Variants in TAF11 observed in about 807,000 individuals in gnomAD.
The protein encoded by TAF11 is TATA-box binding protein associated factor 11.
Under a neutral mutation model 23.0 loss-of-function variants are expected in TAF11, and 10 were observed. That is an observed-to-expected ratio of 0.43 (90% confidence interval 0.27 to 0.74). The LOEUF is 0.74. Among genes scored for constraint, TAF11 ranks in the 30% least tolerant of loss-of-function variants. The pLI, the probability that TAF11 is intolerant of heterozygous loss-of-function variation, is 0.19. For missense variants in TAF11, 196 were observed against 261.7 expected (o/e 0.75, Z 1.73); for synonymous variants, 85 against 95.8 (o/e 0.89, Z 0.66).
chr6:34,885,840 G>A (rs1369607859), intron 1 of TAF11, among the ~76,000 whole-genome samples: 1 of 152,172 alleles, frequency 6.6e-6, no homozygotes, highest in Non-Finnish European at 1.5e-5. Flanking sequence ...ACCTTTAGCT[G>A]GCCGGGTGCG....
rs1053013825 is a variant in TAF11, at chr6:34,877,886, G to T, written c.*704C>A. ...TTCCTGCCATTACCGCATCCTTCAT[G>T]GTAGAGTATCACAAGTAAAAGTTTC... On this transcript the variant is annotated 3_prime_UTR_variant, in exon 5 of 5. Coordinates refer to ENST00000361288, the MANE Select transcript of TAF11 (RefSeq NM_005643.4). 11 of 152,132 alleles carry T rather than the reference G, an allele frequency of 7.2e-5. No individual in the cohort carries two copies. The highest frequency in any genetic ancestry group is 2.7e-4 in the African/African-American group (11 of 41,410). The allele number at this position is 152,132 out of a possible 1,614,324, so 9.4% of individuals were successfully genotyped here. A position where few individuals can be genotyped will look rare whatever the true frequency, so the allele number is the denominator to read the frequency against.
At chr6:34,886,402 A>AAAAC (rs35830537) in intron 1 of TAF11, among the ~76,000 whole-genome samples, 57,022 of 146,884 alleles carry the variant, frequency 0.39, 13,984 homozygotes, top group African/African-American at 0.72. Context: ...CAAAAAACAA[A>AAAAC]AAACAAACAA....
chr6:34,882,861 A>G (rs1766464359), intron 2 of TAF11, 71 bp downstream of exon 2: 2 of 1,493,360 alleles, frequency 1.3e-6, no homozygotes, highest in South Asian at 1.4e-5. Flanking sequence ...TTTAAACACC[A>G]AGAAAAATTT....
intron 1 of TAF11, among the ~76,000 whole-genome samples, chr6:34,883,742 TC>T (rs1157575714): frequency 5.9e-5 from 9 of 152,180 alleles, no homozygotes; most frequent in African/African-American, 2.2e-4. Flanking sequence ...AAATGCCTGT[TC>T]AAACCCCACT....
At chr6:34,887,703 T>C in intron 1 of TAF11, 84 bp downstream of exon 1, 7 of 1,541,194 alleles carry the variant, frequency 4.5e-6, no homozygotes, top group Admixed American at 1.7e-5. Flanking sequence ...CGTAACTTGT[T>C]AGGGACTAAC....
intron 2 of TAF11, 30 bp downstream of exon 2, chr6:34,882,902 G>C: frequency 6.4e-7 from 1 of 1,565,004 alleles, no homozygotes. Context: ...TGAGAGCCTC[G>C]AAATGGGGAA....
intron 4 of TAF11, chr6:34,879,469 G>GTCTC (rs1189007117): frequency 7.2e-6 from 7 of 966,512 alleles, no homozygotes; most frequent in Non-Finnish European, 7.4e-6. Flanking sequence ...GTGAGACCCT[G>GTCTC]TCTCAAAAAA....
chr6:34,881,136 G>T (rs1007859155), intron 2 of TAF11, among the ~76,000 whole-genome samples: 6 of 152,084 alleles, frequency 3.9e-5, no homozygotes, highest in African/African-American at 1.4e-4. Context: ...GGAAGTAATG[G>T]ACAAGTATGC....
rs538061388 is a variant in TAF11 at position 34,885,604 on chromosome 6, A to G, written c.171+2183T>C. Among the ~76,000 whole-genome samples the G allele has an allele frequency of 3.3e-5, 5 of 152,208 alleles. No homozygotes were observed. In the East Asian group the frequency reaches 7.7e-4, roughly 23 times the overall value. ...ATAATTTTATCCTCTGTTCGGTGCA[A>G]ATTTAGATATGTAGTGAGCCCTCTG... On this transcript the variant is annotated intron_variant, in intron 1 of 4. Transcript: ENST00000361288.
chr6:34,879,684 A>C (rs1766383876), intron 4 of TAF11: 2 of 985,434 alleles, frequency 2.0e-6, no homozygotes, highest in Non-Finnish European at 2.4e-6. Context: ...TTGGCAGCAG[A>C]AATGAGCAAA....
Position 34,878,365 on chromosome 6 carries a change from A to G in TAF11, c.*225T>C, listed in dbSNP as rs2127431176. ...TCTTCCAACTGGTCAAGACAGTTAA[A>G]TACTTCAAAATGCCCCAAGAGGTCC... On this transcript the variant is annotated 3_prime_UTR_variant, in exon 5 of 5. Transcript: ENST00000361288. The G allele has an allele frequency of 1.9e-6, 1 of 527,180 alleles. No homozygotes were observed. The highest frequency in any genetic ancestry group is 2.9e-5 in the South Asian group (1 of 35,014). 32.7% of individuals were successfully genotyped at this position (527,180 alleles called of 1,614,324 possible). A position where few individuals can be genotyped will look rare whatever the true frequency, so the allele number is the denominator to read the frequency against.
At chr6:34,881,489 A>C (rs1462656223) in intron 2 of TAF11, among the ~76,000 whole-genome samples, 4 of 152,220 alleles carry the variant, frequency 2.6e-5, no homozygotes, top group Non-Finnish European at 5.9e-5. Flanking sequence ...AAAATGTAAT[A>C]AAGCTATTTC....
Position 34,882,335 on chromosome 6 carries a change from T to C in TAF11, c.320+597A>G, listed in dbSNP as rs571672565. 6.6e-4 allele frequency among the ~76,000 whole-genome samples: 86 copies of C among 129,994 alleles called. 1 individual carries two copies. Among genetic ancestry groups the C allele is most frequent in the African/African-American group, 2.6e-3 (86 of 33,694 alleles). 85.3% of individuals were successfully genotyped at this position (129,994 alleles called of 152,430 possible). A position where few individuals can be genotyped will look rare whatever the true frequency, so the allele number is the denominator to read the frequency against. On this transcript the variant is annotated intron_variant, in intron 2 of 4. Transcript: ENST00000361288. ...CCTGAGCAACGAGAGCGAAACTCTG[T>C]CTCAAAAAAAAAAAATTTTAAATAG...
intron 1 of TAF11, among the ~76,000 whole-genome samples, chr6:34,886,612 C>CCCG (rs1766532560): frequency 6.6e-6 from 1 of 151,834 alleles, no homozygotes; most frequent in Non-Finnish European, 1.5e-5. Flanking sequence ...ATTACAGGCG[C>CCCG]CCGCCACCAT....
intron 1 of TAF11, among the ~76,000 whole-genome samples, chr6:34,887,567 A>C (rs1204982342): frequency 6.6e-6 from 1 of 152,140 alleles, no homozygotes; most frequent in Non-Finnish European, 1.5e-5. Flanking sequence ...CCTAAAGACA[A>C]GACTAAAAAT....
rs762498065 is a variant in TAF11 at position 34,882,955 on chromosome 6, A to G, written c.297T>C (p.Asp99=). Residue 99 remains aspartate, a synonymous_variant, in exon 2 of 5, where the codon GAT becomes GAC. Transcript: ENST00000361288. ...KEKKEKKQKV[D]EDEIQKMQIL... The stretch of plus-strand genomic sequence containing the variant: ...ACTGCATCTTCTGAATCTCATCTTC[A>G]TCTACTTTCTGCTTTTTCTCTTTCT... The G allele has an allele frequency of 6.2e-7, 1 of 1,606,888 alleles. No individual in the cohort carries two copies. The highest frequency in any genetic ancestry group is 2.2e-5 in the East Asian group (1 of 44,640).
At chr6:34,881,686 T>G (rs1436798043) in intron 2 of TAF11, among the ~76,000 whole-genome samples, 1 of 152,100 alleles carries the variant, frequency 6.6e-6, no homozygotes, top group Non-Finnish European at 1.5e-5. Flanking sequence ...AAGGTAATTA[T>G]TTTTTCTTCT....
intron 1 of TAF11, among the ~76,000 whole-genome samples, chr6:34,885,613 A>C (rs1766512834): frequency 6.6e-6 from 1 of 152,206 alleles, no homozygotes; most frequent in African/African-American, 2.4e-5. Context: ...AAATTTAGAT[A>C]TGTAGTGAGC....
chr6:34,887,901 A>G lies in TAF11; in HGVS notation c.57T>C (p.Asp19=). The G allele has an allele frequency of 6.2e-7, 1 of 1,614,062 alleles. No individual in the cohort carries two copies. Among genetic ancestry groups the G allele is most frequent in the African/African-American group, 1.3e-5 (1 of 75,006 alleles). Reference sequence around the variant, plus strand: ...GGTCCCCGGGCACAGCGGCCGTCTCATCCGACTCCCCTGTCTCTCCACCTT... The same window carrying G: ...GGTCCCCGGGCACAGCGGCCGTCTCGTCCGACTCCCCTGTCTCTCCACCTT... ...SDKGGETGES[D]ETAAVPGDPG... is the part of the protein sequence containing the mutation. Residue 19 remains aspartate (D), a synonymous_variant, in exon 1 of 5, where the codon GAT becomes GAC. Coordinates refer to ENST00000361288, the MANE Select transcript of TAF11 (RefSeq NM_005643.4).
Sources: gnomAD v4.1 joint callset for allele counts (sites outside exome capture counted in the v4.1 genomes callset) on GRCh38, gnomAD v4.1.1 for gene constraint, MANE v1.5 for transcripts, NCBI Gene and HGNC (gene_info 2026-07-23, HGNC 2026-07-21) for gene names.